TGM4: variants seen among roughly 807,000 people sequenced by gnomAD.
TGM4 encodes the protein protein-glutamine gamma-glutamyltransferase 4.
A neutral mutation model predicts 76.3 loss-of-function variants in TGM4; 61 were observed. The observed-to-expected ratio is 0.80, with a 90% CI of 0.65 to 0.99. The LOEUF is 0.99. TGM4 is among the 50% of genes least tolerant of loss of function. The pLI, the probability that TGM4 is intolerant of heterozygous loss-of-function variation, is 0.00. For synonymous variants in TGM4, 337 were observed against 329.8 expected (o/e 1.02, Z -0.24); for missense variants, 794 against 843.2 (o/e 0.94, Z 0.72).
intron 8 of TGM4, among the ~76,000 whole-genome samples, 173 bp downstream of exon 8, chr3:44,902,104 C>A (rs555108731): frequency 1.3e-5 from 2 of 152,148 alleles, no homozygotes; most frequent in Admixed American, 1.3e-4. Flanking sequence ...AGCCACCATG[C>A]GTGGCATCCC....
intron 2 of TGM4, among the ~76,000 whole-genome samples, chr3:44,887,112 C>G (rs1699618463): frequency 6.6e-6 from 1 of 152,192 alleles, no homozygotes; most frequent in South Asian, 2.1e-4. Context: ...GACCAGAAAC[C>G]CAGTCATGAC....
At chr3:44,891,097 C>T (rs1010501875) in intron 4 of TGM4, among the ~76,000 whole-genome samples, 5 of 152,212 alleles carry the variant, frequency 3.3e-5, no homozygotes, top group Non-Finnish European at 5.9e-5. Flanking sequence ...CCTTCTGCTC[C>T]CTTAGTTCTG....
chr3:44,890,718 AC>A lies in TGM4; in HGVS notation c.419del (p.Pro140HisfsTer57). 2 of 1,614,114 alleles carry A rather than the reference AC, an allele frequency of 1.2e-6. No homozygotes were observed. Among genetic ancestry groups the A allele is most frequent in the Non-Finnish European group, 1.7e-6 (2 of 1,179,978 alleles). ...SEENILYLLFNPWCKEDMVFM... is the reference protein window; with the variant it reads ...SEENILYLLFXPWCKEDMVFM... ...GAAAACATCCTATACCTTCTCTTCA[AC>A]CCATGGTGTAAAGGTACTGTGAATC... is the stretch of plus-strand genomic sequence containing the variant. On this transcript the variant is annotated frameshift_variant, in exon 4 of 14. Coordinates refer to ENST00000296125, the MANE Select transcript of TGM4 (RefSeq NM_003241.4). LOFTEE classifies it high-confidence loss of function.
intron 6 of TGM4, 53 bp downstream of exon 6, chr3:44,896,869 C>A (rs776061923): frequency 8.6e-5 from 129 of 1,507,392 alleles, no homozygotes; most frequent in Non-Finnish European, 1.1e-4. Context: ...AATTGCTCAG[C>A]CTTTTTCTGT....
intron 4 of TGM4, 82 bp from the exon 5 acceptor site, chr3:44,893,495 C>G (rs926916537): frequency 8.3e-7 from 1 of 1,205,504 alleles, no homozygotes; most frequent in Non-Finnish European, 1.2e-6. Flanking sequence ...GAATCTCCCC[C>G]AGCACAGACA....
At chr3:44,895,184 A>G (rs192905768) in intron 5 of TGM4, among the ~76,000 whole-genome samples, 147 of 152,286 alleles carry the variant, frequency 9.7e-4, no homozygotes, top group African/African-American at 3.2e-3. Context: ...AATCCCAGCT[A>G]CTTGGGAGGC....
At chr3:44,890,470 A>G (rs1031951628) in intron 3 of TGM4, 133 bp from the exon 4 acceptor site, 2 of 1,324,026 alleles carry the variant, frequency 1.5e-6, no homozygotes, top group Non-Finnish European at 2.1e-6. Flanking sequence ...CAGGGTCCTG[A>G]CCATTCCTTG....
At chr3:44,902,121 T>C (rs9823021) in intron 8 of TGM4, among the ~76,000 whole-genome samples, 190 bp downstream of exon 8, 3,167 of 151,888 alleles carry the variant, frequency 0.021, 99 homozygotes, top group African/African-American at 0.072. Flanking sequence ...TCCCAGGAGT[T>C]TTTTAGCCCA....
intron 1 of TGM4, among the ~76,000 whole-genome samples, chr3:44,882,567 G>A (rs1009100278): frequency 3.9e-5 from 6 of 152,182 alleles, no homozygotes; most frequent in African/African-American, 1.4e-4. Flanking sequence ...GTGGCTCCAG[G>A]TGTTCTGTGG....
intron 5 of TGM4, 42 bp from the exon 6 acceptor site, chr3:44,896,667 G>A (rs1365411564): frequency 3.8e-6 from 6 of 1,595,598 alleles, no homozygotes; most frequent in Non-Finnish European, 5.2e-6. Flanking sequence ...TTCTGACACA[G>A]GGCAAAGTCT....
intron 1 of TGM4, among the ~76,000 whole-genome samples, chr3:44,883,571 C>G (rs76943027): frequency 0.02 from 2,991 of 152,330 alleles, 51 homozygotes; most frequent in Middle Eastern, 0.065. Context: ...AGCTAGCCAT[C>G]GGCCCACCCC....
chr3:44,913,717 A>T lies in TGM4; in HGVS notation c.2047A>T (p.Thr683Ser). ...TAATGCTCAGAAGATTGTTCTCATCACCAAGTAGCCTTGTCTGATGCTGTG... is the reference window on the plus strand; with the variant it reads ...TAATGCTCAGAAGATTGTTCTCATCTCCAAGTAGCCTTGTCTGATGCTGTG... Reference protein sequence around the residue: ...EINAQKIVLITK With the variant: ...EINAQKIVLISK The change falls in exon 14 of 14, where the codon ACC becomes TCC. Residue 683 changes from threonine (T) to serine (S), a missense_variant. By Grantham distance (58) the Thr-to-Ser change is moderately conservative. Coordinates refer to ENST00000296125, the MANE Select transcript of TGM4 (RefSeq NM_003241.4). The T allele has an allele frequency of 6.2e-7, 1 of 1,613,364 alleles. No individual in the cohort carries two copies. Among genetic ancestry groups the T allele is most frequent in the Non-Finnish European group, 8.5e-7 (1 of 1,179,676 alleles).
rs1250301985 is a variant in TGM4 at position 44,887,798 on chromosome 3, G to A, written c.300+3G>A. 6.2e-7 allele frequency: 1 copy of A among 1,613,888 alleles called. No individual in the cohort carries two copies. The highest frequency in any genetic ancestry group is 8.5e-7 in the Non-Finnish European group (1 of 1,179,904). On this transcript the variant is annotated splice_donor_region_variant and intron_variant, in intron 3 of 13. Coordinates refer to ENST00000296125, the MANE Select transcript of TGM4 (RefSeq NM_003241.4). ...TTCAAAATGAGTCTGGCAAAGAGGT[G>A]AGCACCCACTGGGCTGGCGGGTGGG...
At chr3:44,904,099 A>C in intron 9 of TGM4, 112 bp downstream of exon 9, 2 of 948,248 alleles carry the variant, frequency 2.1e-6, no homozygotes, top group Non-Finnish European at 3.2e-6. Context: ...TTTCATAAAA[A>C]TTTCCCAAAA....
intron 1 of TGM4, 118 bp downstream of exon 1, chr3:44,874,815 C>A: frequency 8.3e-7 from 1 of 1,209,956 alleles, no homozygotes; most frequent in Non-Finnish European, 1.2e-6. Context: ...GACTTGTGGC[C>A]CTGGTGCTGC....
At position 44,885,308 on chromosome 3, in the gene TGM4, T is replaced by G; in HGVS notation, c.20-17T>G. ...ATTCTCTGTGCTCTCTTTCCACATG[T>G]GCTGCGTTGCTGACAGAGCTGCAAG... On this transcript the variant is annotated splice_polypyrimidine_tract_variant and intron_variant, in intron 1 of 13. Coordinates refer to ENST00000296125, the MANE Select transcript of TGM4 (RefSeq NM_003241.4). 1.3e-6 allele frequency: 2 copies of G among 1,595,450 alleles called. No homozygotes were observed. Among genetic ancestry groups the G allele is most frequent in the Non-Finnish European group, 1.7e-6 (2 of 1,165,902 alleles).
intron 9 of TGM4, 80 bp from the exon 10 acceptor site, chr3:44,906,869 G>T: frequency 6.4e-7 from 1 of 1,572,894 alleles, no homozygotes; most frequent in Non-Finnish European, 8.6e-7. Flanking sequence ...TTTGAGTTTG[G>T]GAATCATTGC....
chr3:44,879,502 T>A (rs1280997656), intron 1 of TGM4, among the ~76,000 whole-genome samples: 2 of 141,272 alleles, frequency 1.4e-5, no homozygotes, highest in Admixed American at 1.4e-4. Context: ...AGACAGAGTC[T>A]CACTCTGTCG....
intron 1 of TGM4, among the ~76,000 whole-genome samples, chr3:44,877,717 G>A (rs894795615): frequency 2.1e-4 from 32 of 152,140 alleles, no homozygotes; most frequent in Admixed American, 1.4e-3. Context: ...TCATCTTTTT[G>A]TAGGAGTATC....
Sources: gnomAD v4.1 joint callset for allele counts (sites outside exome capture counted in the v4.1 genomes callset) on GRCh38, gnomAD v4.1.1 for gene constraint, MANE v1.5 for transcripts, NCBI Gene and HGNC (gene_info 2026-07-23, HGNC 2026-07-21) for gene names.